COG7: variants seen among roughly 807,000 people sequenced by gnomAD.
The protein encoded by COG7 is conserved oligomeric Golgi complex subunit 7.
In COG7, 49 loss-of-function variants were observed where a neutral mutation model predicts 91.5. The ratio of observed to expected loss-of-function variants is 0.54; its 90% CI spans 0.43 to 0.68. The LOEUF (loss-of-function observed/expected upper bound fraction) is 0.68, where lower values mean the gene tolerates loss of function less well. Among genes scored for constraint, COG7 ranks in the 30% least tolerant of loss-of-function variants. The pLI, the probability that COG7 is intolerant of heterozygous loss-of-function variation, is 0.00. For missense variants in COG7, 895 were observed against 961.3 expected, an observed-to-expected ratio of 0.93 and a Z score of 0.91; for synonymous variants, 365 against 388.7, an observed-to-expected ratio of 0.94 and a Z score of 0.72.
intron 14 of COG7, among the ~76,000 whole-genome samples, chr16:23,393,824 C>A (rs1963240081): frequency 6.6e-6 from 1 of 151,952 alleles, no homozygotes. Flanking sequence ...GATGGATCTC[C>A]TGAGGTCAGG....
At chr16:23,424,684 G>C in intron 7 of COG7, 65 bp downstream of exon 7, 1 of 1,537,012 alleles carries the variant, frequency 6.5e-7, no homozygotes, top group Non-Finnish European at 9.0e-7. Context: ...ACAAATCCAG[G>C]CCCCAGAAGC....
chr16:23,432,058 G>C (rs1223637386), intron 6 of COG7, among the ~76,000 whole-genome samples: 3 of 151,590 alleles, frequency 2.0e-5, no homozygotes, highest in Non-Finnish European at 2.9e-5. Context: ...CAGGCAGGAG[G>C]ACAGCTTGAA....
chr16:23,432,668 T>C (rs892304346), intron 6 of COG7, among the ~76,000 whole-genome samples: 4 of 152,180 alleles, frequency 2.6e-5, no homozygotes, highest in African/African-American at 9.6e-5. Context: ...CCTTTATGGC[T>C]GGAAATGCCT....
chr16:23,389,328 C>T (rs1261060853), intron 16 of COG7, among the ~76,000 whole-genome samples: 1 of 152,046 alleles, frequency 6.6e-6, no homozygotes, highest in Admixed American at 6.6e-5. Context: ...TAACCAACAT[C>T]ACTCCCATCC....
In COG7 at chr16:23,445,098, C is replaced by G; in HGVS notation, c.385G>C (p.Asp129His). The change falls in exon 3 of 17, where the codon GAT (aspartate) becomes CAT (histidine). Residue 129 changes from aspartate (D) to histidine (H), a missense_variant. Asp to His is a moderately conservative substitution (Grantham distance 81, BLOSUM62 -1). Coordinates refer to ENST00000307149, the MANE Select transcript of COG7 (RefSeq NM_153603.4). ...TCGGCGCTCAACGTGCTCCACTTAT[C>G]TGCTTCCTGAAGAGATTCGGCAGCA... ...QLAAESLQEA[D>H]KWSTLSADIE... 6.2e-7 allele frequency: 1 copy of G among 1,614,190 alleles called. No individual in the cohort carries two copies. The highest frequency in any genetic ancestry group is 1.1e-5 in the South Asian group (1 of 91,090).
chr16:23,391,548 T>A (rs1963195728), intron 16 of COG7, among the ~76,000 whole-genome samples: 1 of 152,174 alleles, frequency 6.6e-6, no homozygotes, highest in African/African-American at 2.4e-5. Context: ...TAGTTCTTCT[T>A]CTGCAAAACA....
chr16:23,407,386 A>T (rs1208072336), intron 11 of COG7, among the ~76,000 whole-genome samples: 1 of 152,200 alleles, frequency 6.6e-6, no homozygotes, highest in African/African-American at 2.4e-5. Flanking sequence ...CTTCCAACTA[A>T]CTGGCTTCCC....
At chr16:23,426,953 T>C (rs928547903) in intron 6 of COG7, among the ~76,000 whole-genome samples, 16 of 152,006 alleles carry the variant, frequency 1.1e-4, no homozygotes, top group Non-Finnish European at 2.2e-4. Context: ...ACTTTTAGAG[T>C]TAATAAATTC....
intron 10 of COG7, among the ~76,000 whole-genome samples, chr16:23,410,681 A>G (rs1175240127): frequency 6.6e-6 from 1 of 152,148 alleles, no homozygotes; most frequent in Admixed American, 6.5e-5. Flanking sequence ...GGGTAGAGAT[A>G]TTTTATATCT....
intron 10 of COG7, among the ~76,000 whole-genome samples, chr16:23,411,937 A>G (rs368944213): frequency 3.2e-4 from 48 of 151,182 alleles, no homozygotes; most frequent in African/African-American, 1.1e-3. Flanking sequence ...CTGGAGTGCA[A>G]TGGTGCAGTC....
At chr16:23,412,574 C>G (rs944938700) in intron 10 of COG7, 2 of 152,286 alleles carry the variant, frequency 1.3e-5, no homozygotes, top group Non-Finnish European at 2.9e-5. Flanking sequence ...TCCATCAAGC[C>G]TCAGGGACTG....
chr16:23,407,791 A>G (rs1313671487), intron 11 of COG7, among the ~76,000 whole-genome samples: 5 of 152,086 alleles, frequency 3.3e-5, no homozygotes, highest in African/African-American at 1.2e-4. Flanking sequence ...TTCGGGGGAC[A>G]GTTCAATGAG....
chr16:23,408,693 C>G (rs1338256478), intron 11 of COG7, among the ~76,000 whole-genome samples: 1 of 151,886 alleles, frequency 6.6e-6, no homozygotes, highest in Non-Finnish European at 1.5e-5. Context: ...GCGTGACTTT[C>G]GGGAGTGAAT....
intron 13 of COG7, among the ~76,000 whole-genome samples, chr16:23,400,975 A>G (rs1186158575): frequency 6.8e-6 from 1 of 148,072 alleles, no homozygotes; most frequent in African/African-American, 2.4e-5. Context: ...GTCTCAAAAA[A>G]AAAAGGGGGG....
chr16:23,416,798 TTC>T (rs1963662393), intron 9 of COG7, 167 bp downstream of exon 9: 2 of 755,170 alleles, frequency 2.6e-6, no homozygotes, highest in Admixed American at 2.2e-5. Context: ...GTTTCAAATG[TTC>T]CACCATTACA....
intron 6 of COG7, among the ~76,000 whole-genome samples, chr16:23,429,876 G>C (rs1192742233): frequency 6.6e-6 from 1 of 152,190 alleles, no homozygotes; most frequent in East Asian, 1.9e-4. Context: ...AAAACACGCT[G>C]AGTGAAAGAA....
intron 7 of COG7, among the ~76,000 whole-genome samples, chr16:23,419,363 A>C (rs1383118586): frequency 1.3e-5 from 2 of 150,292 alleles, no homozygotes; most frequent in Non-Finnish European, 3.0e-5. Context: ...GTGAGCTGAG[A>C]TCACACCATT....
At chr16:23,409,088 T>TGTGTGTGTGTGTGTGTGTGTGC (rs567307217) in intron 11 of COG7, among the ~76,000 whole-genome samples, 2 of 147,806 alleles carry the variant, frequency 1.4e-5, no homozygotes, top group African/African-American at 5.1e-5. Flanking sequence ...TGTGTGTGTG[T>TGTGTGTGTGTGTGTGTGTGTGC]GCGTGCATGT....
intron 7 of COG7, 26 bp from the exon 8 acceptor site, chr16:23,418,853 G>T: frequency 6.2e-7 from 1 of 1,608,130 alleles, no homozygotes; most frequent in South Asian, 1.1e-5. Flanking sequence ...AATGTAAAAC[G>T]ATAATGAACA....
Sources: allele counts gnomAD v4.1 joint callset (sites outside exome capture counted in the v4.1 genomes callset), GRCh38; gene constraint gnomAD v4.1.1; transcripts MANE v1.5; gene names NCBI Gene and HGNC (gene_info 2026-07-23, HGNC 2026-07-21).